The following LY86 variants were observed in gnomAD, a reference collection of about 807,000 sequenced individuals.
LY86 encodes lymphocyte antigen 86.
A neutral mutation model predicts 17.3 loss-of-function variants in LY86; 20 were observed. The observed-to-expected ratio is 1.15, with a 90% CI of 0.81 to 1.68. The LOEUF is 1.68. LY86 is among the 40% of genes most tolerant of loss of function. The pLI is 0.00. For synonymous variants in LY86, 74 were observed against 70.6 expected (o/e 1.05, Z -0.24); for missense variants, 200 against 191.9 (o/e 1.04, Z -0.25).
At chr6:6,612,476 G>C (rs35936147) in intron 1 of LY86, among the ~76,000 whole-genome samples, 6 of 152,124 alleles carry the variant, frequency 3.9e-5, no homozygotes, top group Middle Eastern at 3.4e-3. Flanking sequence ...AAGCAATGCA[G>C]ACCCAAAGTG....
intron 1 of LY86, chr6:6,621,545 T>C (rs1761677401): frequency 6.6e-6 from 1 of 152,170 alleles, no homozygotes; most frequent in South Asian, 2.1e-4. Flanking sequence ...GATACTTTGG[T>C]AAGGTCTAGA....
At chr6:6,598,373 A>G (rs1156240523) in intron 1 of LY86, among the ~76,000 whole-genome samples, 1 of 152,104 alleles carries the variant, frequency 6.6e-6, no homozygotes, top group Non-Finnish European at 1.5e-5. Context: ...ACTGACATTT[A>G]TTTTTACCTA....
intron 1 of LY86, among the ~76,000 whole-genome samples, chr6:6,608,455 T>G (rs923865488): frequency 6.6e-6 from 1 of 152,250 alleles, no homozygotes; most frequent in Non-Finnish European, 1.5e-5. Flanking sequence ...AAATTTAGGT[T>G]GTTTCCACTT....
chr6:6,605,976 G>C (rs969317601), intron 1 of LY86, among the ~76,000 whole-genome samples: 2 of 152,046 alleles, frequency 1.3e-5, no homozygotes, highest in African/African-American at 4.8e-5. Context: ...CCCAAAGAGC[G>C]ACCACCAGCA....
intron 1 of LY86, among the ~76,000 whole-genome samples, chr6:6,599,562 G>A (rs1010532903): frequency 1.3e-5 from 2 of 152,170 alleles, no homozygotes; most frequent in Admixed American, 6.5e-5. Flanking sequence ...TCTGCCTTGC[G>A]GCTACTGGTG....
At chr6:6,607,799 T>C (rs1211555208) in intron 1 of LY86, among the ~76,000 whole-genome samples, 4 of 134,278 alleles carry the variant, frequency 3.0e-5, no homozygotes, top group Admixed American at 7.3e-5. Flanking sequence ...ACTCGGGAGG[T>C]TGAGGCAGGA....
chr6:6,620,004 G>A (rs1256377639), intron 1 of LY86, among the ~76,000 whole-genome samples: 1 of 152,116 alleles, frequency 6.6e-6, no homozygotes, highest in Non-Finnish European at 1.5e-5. Context: ...GTGGAAGTGA[G>A]ATTGGAGGGG....
chr6:6,610,902 G>A (rs1761315454), intron 1 of LY86, among the ~76,000 whole-genome samples: 1 of 152,184 alleles, frequency 6.6e-6, no homozygotes, highest in African/African-American at 2.4e-5. Context: ...GACCCCAGCA[G>A]CCACAGAAAT....
At chr6:6,634,107 G>T (rs74384434) in intron 3 of LY86, among the ~76,000 whole-genome samples, 1 of 152,122 alleles carries the variant, frequency 6.6e-6, no homozygotes, top group Non-Finnish European at 1.5e-5. Context: ...GATTCATGGC[G>T]CATCCATGCC....
At chr6:6,613,864 C>T (rs931737570) in intron 1 of LY86, among the ~76,000 whole-genome samples, 2 of 152,366 alleles carry the variant, frequency 1.3e-5, no homozygotes, top group Non-Finnish European at 2.9e-5. Context: ...ACTCCTCGAA[C>T]ACTTAACCAG....
chr6:6,636,838 C>T (rs1485686479), intron 3 of LY86, among the ~76,000 whole-genome samples: 1 of 150,962 alleles, frequency 6.6e-6, no homozygotes, highest in Non-Finnish European at 1.5e-5. Context: ...CATGCAGAAT[C>T]ACCAAAAACA....
At chr6:6,653,690 T>TC (rs1307365178) in intron 4 of LY86, among the ~76,000 whole-genome samples, 3 of 152,324 alleles carry the variant, frequency 2.0e-5, no homozygotes, top group Non-Finnish European at 2.9e-5. Flanking sequence ...TGAACTGTGC[T>TC]CCCCGGGGTC....
chr6:6,648,907 G>A (rs1016540190), intron 3 of LY86, among the ~76,000 whole-genome samples: 1 of 152,000 alleles, frequency 6.6e-6, no homozygotes, highest in Non-Finnish European at 1.5e-5. Flanking sequence ...CATATTACTT[G>A]GTGTCTCTTT....
chr6:6,631,718 A>C (rs1761901497), intron 3 of LY86, among the ~76,000 whole-genome samples: 1 of 152,106 alleles, frequency 6.6e-6, no homozygotes, highest in African/African-American at 2.4e-5. Flanking sequence ...AGGATAGTAA[A>C]CATTTTAGGT....
intron 1 of LY86, among the ~76,000 whole-genome samples, chr6:6,611,885 C>G (rs1398157031): frequency 1.3e-5 from 2 of 152,044 alleles, no homozygotes; most frequent in African/African-American, 4.8e-5. Context: ...CTGCACCTAC[C>G]AAAAATAAGA....
intron 3 of LY86, among the ~76,000 whole-genome samples, chr6:6,646,475 C>T (rs1762110084): frequency 6.6e-6 from 1 of 152,158 alleles, no homozygotes; most frequent in Admixed American, 6.5e-5. Flanking sequence ...CCCCTTACTT[C>T]CAACAACCAT....
At chr6:6,613,279 C>CA (rs1761444283) in intron 1 of LY86, among the ~76,000 whole-genome samples, 1 of 152,346 alleles carries the variant, frequency 6.6e-6, no homozygotes, top group Non-Finnish European at 1.5e-5. Flanking sequence ...TGCGCCCGCA[C>CA]TCCTCAGCCC....
At chr6:6,610,552 C>G (rs1040029411) in intron 1 of LY86, among the ~76,000 whole-genome samples, 10 of 151,872 alleles carry the variant, frequency 6.6e-5, no homozygotes, top group African/African-American at 2.4e-4. Flanking sequence ...TAGGGGGGGG[C>G]AAGGTGAGTG....
intron 3 of LY86, among the ~76,000 whole-genome samples, chr6:6,627,074 A>C (rs1761803213): frequency 6.6e-6 from 1 of 152,014 alleles, no homozygotes; most frequent in Admixed American, 6.6e-5. Context: ...CAAGGCCCTG[A>C]GATGCTTCCG....
Sources: gnomAD v4.1 joint callset for allele counts (sites outside exome capture counted in the v4.1 genomes callset) on GRCh38, gnomAD v4.1.1 for gene constraint, MANE v1.5 for transcripts, NCBI Gene and HGNC (gene_info 2026-07-23, HGNC 2026-07-21) for gene names.